The following PRKD1 variants were observed in gnomAD, a reference collection of about 807,000 sequenced individuals.
PRKD1 encodes the protein protein kinase D1, also known as serine/threonine-protein kinase D1.
Under a neutral mutation model 95.9 loss-of-function variants are expected in PRKD1, and 63 were observed. The observed-to-expected ratio is 0.66, with a 90% confidence interval of 0.54 to 0.81. The LOEUF (loss-of-function observed/expected upper bound fraction) is 0.81. PRKD1 is among the 30% of genes least tolerant of loss of function. The pLI, the probability that PRKD1 is intolerant of heterozygous loss-of-function variation, is 0.00. For synonymous variants in PRKD1, 425 were observed against 423.1 expected, an observed-to-expected ratio of 1.00 and a Z score of -0.05; for missense variants, 1,048 against 1,165.3, an observed-to-expected ratio of 0.90 and a Z score of 1.47.
At chr14:29,722,439 G>C (rs45471097) in intron 2 of PRKD1, among the ~76,000 whole-genome samples, 51 of 152,290 alleles carry the variant, frequency 3.3e-4, no homozygotes, top group African/African-American at 9.1e-4. Context: ...TTTCTCTTAT[G>C]TGGGCCAAAA....
At chr14:29,692,055 A>G (rs1358022609) in intron 2 of PRKD1, among the ~76,000 whole-genome samples, 1 of 152,174 alleles carries the variant, frequency 6.6e-6, no homozygotes, top group Non-Finnish European at 1.5e-5. Context: ...TATAAATTCA[A>G]TATTTTAAAT....
At chr14:29,860,747 C>T (rs778771518) in intron 1 of PRKD1, among the ~76,000 whole-genome samples, 15 of 152,142 alleles carry the variant, frequency 9.9e-5, no homozygotes, top group Non-Finnish European at 2.1e-4. Context: ...TACCTCCTGT[C>T]CTTTTAAGTA....
intron 4 of PRKD1, among the ~76,000 whole-genome samples, chr14:29,643,499 T>A (rs1355281415): frequency 6.6e-6 from 1 of 152,170 alleles, no homozygotes; most frequent in Non-Finnish European, 1.5e-5. Context: ...AGAGAGACAA[T>A]GTATCCTGCT....
chr14:29,592,619 A>C lies in PRKD1; in HGVS notation c.2434+4872T>G, dbSNP rs552264615. On this transcript the variant is annotated intron_variant, in intron 16 of 17. Transcript: ENST00000331968. Reference sequence around the variant, plus strand: ...GACTATAAAGTGACTGGGAAACGGAAAATGATCAATATTTAAACTAATATA... The same window carrying C: ...GACTATAAAGTGACTGGGAAACGGACAATGATCAATATTTAAACTAATATA... 3 of 152,326 alleles carry C rather than the reference A, an allele frequency of 2.0e-5. No homozygotes were observed. In the East Asian group the frequency reaches 5.8e-4, roughly 29 times the overall value. 9.4% of individuals were successfully genotyped at this position (152,326 alleles called of 1,614,324 possible).
intron 1 of PRKD1, among the ~76,000 whole-genome samples, chr14:29,839,689 T>G (rs747355605): frequency 4.6e-5 from 7 of 151,888 alleles, no homozygotes; most frequent in Non-Finnish European, 8.8e-5. Flanking sequence ...TTTCCATATA[T>G]CCTCTGAAAT....
At chr14:29,622,214 A>T (rs1179740066) in intron 13 of PRKD1, among the ~76,000 whole-genome samples, 1 of 152,072 alleles carries the variant, frequency 6.6e-6, no homozygotes, top group Non-Finnish European at 1.5e-5. Flanking sequence ...CGGAACACAG[A>T]AGATAATGCT....
intron 2 of PRKD1, among the ~76,000 whole-genome samples, chr14:29,686,945 G>A (rs1466420143): frequency 1.3e-5 from 2 of 152,022 alleles, no homozygotes; most frequent in East Asian, 3.9e-4. Flanking sequence ...TTTTGTCAGA[G>A]CCTTCTTCCA....
intron 1 of PRKD1, among the ~76,000 whole-genome samples, chr14:29,841,925 A>T (rs934588286): frequency 2.4e-4 from 37 of 152,042 alleles, no homozygotes; most frequent in Non-Finnish European, 4.0e-4. Context: ...TATTCTATAA[A>T]TTTTTTTCTA....
rs1891401326 is a variant in PRKD1, at chr14:29,831,282, T to C, written c.264+95967A>G. 2.6e-5 allele frequency among the ~76,000 whole-genome samples: 4 copies of C among 152,092 alleles called. No homozygotes were observed. In the South Asian group the frequency reaches 6.2e-4, roughly 24 times the overall value. On this transcript the variant is annotated intron_variant, in intron 1 of 17. Transcript: ENST00000331968. Reference sequence around the variant, plus strand: ...AAAGCTACACAGCTACAAAAGCTTATAAGATTTTCAAGTTTGGAAGAAACA... The same window carrying C: ...AAAGCTACACAGCTACAAAAGCTTACAAGATTTTCAAGTTTGGAAGAAACA...
Position 29,884,335 on chromosome 14 carries a change from T to G in PRKD1, c.264+42914A>C, listed in dbSNP as rs574065642. Among the ~76,000 whole-genome samples the G allele has an allele frequency of 5.3e-5, 8 of 152,282 alleles. No individual in the cohort carries two copies. In the South Asian group the frequency reaches 1.7e-3, roughly 32 times the overall value. The stretch of plus-strand genomic sequence containing the variant: ...ACATGAAAAGAAAAGTTAGTTGCAC[T>G]TTACCAAACATACAAATGTATACTA... On this transcript the variant is annotated intron_variant, in intron 1 of 17. Transcript: ENST00000331968.
chr14:29,620,255 T>C (rs530468012), intron 13 of PRKD1, among the ~76,000 whole-genome samples: 1 of 151,498 alleles, frequency 6.6e-6, no homozygotes, highest in South Asian at 2.1e-4. Flanking sequence ...ATTCAGGACA[T>C]AGGCATGAGC....
chr14:29,737,316 G>A (rs1016590518), intron 1 of PRKD1, among the ~76,000 whole-genome samples: 6 of 101,340 alleles, frequency 5.9e-5, no homozygotes, highest in African/African-American at 8.2e-5. Flanking sequence ...GCGACAGAGC[G>A]AGACTCCGTC....
In PRKD1 at chr14:29,740,717, A is replaced by G. The variant is rs1378788383; in HGVS notation, c.265-15043T>C. On this transcript the variant is annotated intron_variant, in intron 1 of 17. Coordinates refer to ENST00000331968, the MANE Select transcript of PRKD1 (RefSeq NM_002742.3). ...TAGCAGCTGTTCCTGGCTATCTTCA[A>G]TTCTACTATTTGACCCAGCAATCCC... 2.0e-5 allele frequency among the ~76,000 whole-genome samples: 3 copies of G among 152,154 alleles called. No individual in the cohort carries two copies. The South Asian group carries it at 6.2e-4, about 32-fold the overall frequency.
chr14:29,681,857 G>T (rs1883558009), intron 2 of PRKD1, among the ~76,000 whole-genome samples: 1 of 152,046 alleles, frequency 6.6e-6, no homozygotes, highest in Admixed American at 6.6e-5. Flanking sequence ...TTATATTTCA[G>T]AATTCACATA....
chr14:29,720,577 C>G (rs1885839581), intron 2 of PRKD1, among the ~76,000 whole-genome samples: 2 of 151,816 alleles, frequency 1.3e-5, no homozygotes. Flanking sequence ...ATCAGGAGCT[C>G]AAGACCAGCC....
At chr14:29,911,117 A>C (rs2139446552) in intron 1 of PRKD1, among the ~76,000 whole-genome samples, 1 of 152,118 alleles carries the variant, frequency 6.6e-6, no homozygotes, top group South Asian at 2.1e-4. Flanking sequence ...ATATTGAAAA[A>C]CTTAAACTTT....
chr14:29,597,290 T>C (rs1893342151), intron 16 of PRKD1, among the ~76,000 whole-genome samples: 1 of 152,178 alleles, frequency 6.6e-6, no homozygotes, highest in South Asian at 2.1e-4. Flanking sequence ...GGTTGTTCAC[T>C]TACTTCTTAA....
chr14:29,854,539 G>C (rs559013862), intron 1 of PRKD1, among the ~76,000 whole-genome samples: 1 of 152,282 alleles, frequency 6.6e-6, no homozygotes, highest in East Asian at 1.9e-4. Flanking sequence ...GTTTTAAAAG[G>C]GAAGCAGAGC....
intron 1 of PRKD1, among the ~76,000 whole-genome samples, chr14:29,756,516 A>G (rs1887705115): frequency 6.6e-6 from 1 of 152,224 alleles, no homozygotes; most frequent in Non-Finnish European, 1.5e-5. Flanking sequence ...AAAAAACACT[A>G]ATGGCACAGC....
Sources: gnomAD v4.1 joint callset for allele counts (sites outside exome capture counted in the v4.1 genomes callset) on GRCh38, gnomAD v4.1.1 for gene constraint, MANE v1.5 for transcripts, NCBI Gene and HGNC (gene_info 2026-07-23, HGNC 2026-07-21) for gene names.